PRUNE2: variants seen among roughly 807,000 people sequenced by gnomAD.
The protein encoded by PRUNE2 is prune homolog 2 with BCH domain, also known as protein prune homolog 2.
Under a neutral mutation model 252.0 loss-of-function variants are expected in PRUNE2, and 164 were observed. The ratio of observed to expected loss-of-function variants is 0.65; its 90% CI spans 0.57 to 0.74. PRUNE2 has a LOEUF of 0.74. Among genes scored for constraint, PRUNE2 ranks in the 30% least tolerant of loss-of-function variants. PRUNE2 has a pLI of 0.00. For synonymous variants in PRUNE2, 1,292 were observed against 1,350.2 expected, an observed-to-expected ratio of 0.96 and a Z score of 0.94; for missense variants, 3,495 against 3,711.0, an observed-to-expected ratio of 0.94 and a Z score of 1.51.
chr9:76,644,072 A>G lies in PRUNE2; in HGVS notation c.8728+667T>C, dbSNP rs143245916. On this transcript the variant is annotated intron_variant, in intron 12 of 18. Coordinates refer to ENST00000376718, the MANE Select transcript of PRUNE2 (RefSeq NM_015225.3). Reference sequence around the variant, plus strand: ...AATGTTAAATGTGTTGCTTCCACTCATCTGACTTTTTGTGACTCCCAAATT... The same window carrying G: ...AATGTTAAATGTGTTGCTTCCACTCGTCTGACTTTTTGTGACTCCCAAATT... 2.4e-3 allele frequency among the ~76,000 whole-genome samples: 373 copies of G among 152,250 alleles called. 1 individual carries two copies. The highest frequency in any genetic ancestry group is 0.017 in the South Asian group (81 of 4,826).
intron 6 of PRUNE2, among the ~76,000 whole-genome samples, chr9:76,775,346 G>A (rs946385727): frequency 6.6e-6 from 1 of 152,080 alleles, no homozygotes; most frequent in African/African-American, 2.4e-5. Flanking sequence ...TCCCAGCCTG[G>A]AGTGCAGTTG....
chr9:76,633,158 G>A (rs534008056), intron 15 of PRUNE2, among the ~76,000 whole-genome samples: 67 of 152,244 alleles, frequency 4.4e-4, no homozygotes, highest in African/African-American at 1.6e-3. Flanking sequence ...GGAGGCGGAG[G>A]CTGCAGAAAG....
intron 12 of PRUNE2, 78 bp from the exon 13 acceptor site, chr9:76,638,366 T>C (rs1010741246): frequency 1.0e-6 from 1 of 961,608 alleles, no homozygotes; most frequent in African/African-American, 1.6e-5. Context: ...TGGATAAATA[T>C]GAAGCCTTGG....
At chr9:76,850,750 G>A in intron 2 of PRUNE2, 85 bp from the exon 3 acceptor site, 1 of 1,037,872 alleles carries the variant, frequency 9.6e-7, no homozygotes, top group East Asian at 2.4e-5. Flanking sequence ...GGGGTAACTG[G>A]TAAAAGGAAT....
At chr9:76,770,624 A>C (rs2052987852) in intron 6 of PRUNE2, among the ~76,000 whole-genome samples, 1 of 152,196 alleles carries the variant, frequency 6.6e-6, no homozygotes, top group Non-Finnish European at 1.5e-5. Context: ...CCACAACAAA[A>C]TCCTGCAAAA....
intron 6 of PRUNE2, among the ~76,000 whole-genome samples, chr9:76,800,142 C>T (rs892336991): frequency 6.6e-6 from 1 of 152,066 alleles, no homozygotes; most frequent in African/African-American, 2.4e-5. Context: ...TGTTGGTGTG[C>T]TGCACCCATT....
At chr9:76,783,565 A>C (rs2054653450) in intron 6 of PRUNE2, 1 of 152,206 alleles carries the variant, frequency 6.6e-6, no homozygotes, top group African/African-American at 2.4e-5. Context: ...TAAGTATTAA[A>C]ATTCTGTGCC....
chr9:76,808,369 G>A (rs7855283), intron 6 of PRUNE2, among the ~76,000 whole-genome samples: 107,330 of 152,090 alleles, frequency 0.71, 38,275 homozygotes, highest in African/African-American at 0.82. Flanking sequence ...ATTGTATCAC[G>A]TTAGGATATT....
Position 76,706,895 on chromosome 9 carries a change from C to A in PRUNE2, c.5379G>T (p.Gly1793=). The A allele has an allele frequency of 6.3e-7, 1 of 1,599,326 alleles. No individual in the cohort carries two copies. The highest frequency in any genetic ancestry group is 8.5e-7 in the Non-Finnish European group (1 of 1,172,578). Residue 1793 remains glycine, a synonymous_variant, in exon 8 of 19, where the codon GGG becomes GGT. Coordinates refer to ENST00000376718, the MANE Select transcript of PRUNE2 (RefSeq NM_015225.3). ...EKEKRSSPET[G]TTGDVAWQIS... ...TTTGCCATGCAACATCTCCTGTTGT[C>A]CCTGTTTCTGGAGAAGATCTCTTCT...
intron 1 of PRUNE2, among the ~76,000 whole-genome samples, chr9:76,879,898 TATATA>T (rs1360207274): frequency 3.1e-4 from 29 of 92,830 alleles, no homozygotes; most frequent in African/African-American, 1.5e-3. Context: ...TATATATATA[TATATA>T]TTTTTTTTTT....
At chr9:76,729,019 T>C (rs1031583052) in intron 6 of PRUNE2, among the ~76,000 whole-genome samples, 2 of 152,190 alleles carry the variant, frequency 1.3e-5, no homozygotes, top group Non-Finnish European at 2.9e-5. Flanking sequence ...AGTTTGGAGA[T>C]TGTCTTTCTA....
chr9:76,822,833 C>T (rs747981603), intron 6 of PRUNE2, among the ~76,000 whole-genome samples: 1 of 151,832 alleles, frequency 6.6e-6, no homozygotes, highest in Non-Finnish European at 1.5e-5. Context: ...AAAAGAATGG[C>T]AACACACAAT....
intron 6 of PRUNE2, among the ~76,000 whole-genome samples, chr9:76,810,882 A>C (rs11145080): frequency 0.28 from 42,410 of 152,118 alleles, 6,075 homozygotes; most frequent in Middle Eastern, 0.39. Flanking sequence ...AAAGGGAACA[A>C]TTTTCCTCTA....
intron 6 of PRUNE2, among the ~76,000 whole-genome samples, chr9:76,803,221 G>A (rs143711923): frequency 1.5e-4 from 23 of 151,276 alleles, no homozygotes; most frequent in Non-Finnish European, 2.5e-4. Flanking sequence ...TTTGGGAAGG[G>A]TGGTGATACA....
At chr9:76,877,242 T>C (rs1395298955) in intron 1 of PRUNE2, among the ~76,000 whole-genome samples, 2 of 151,784 alleles carry the variant, frequency 1.3e-5, no homozygotes, top group Admixed American at 1.3e-4. Flanking sequence ...CGGTGCCTCA[T>C]GCCTGTAATC....
At chr9:76,628,806 G>T (rs1459529669) in intron 16 of PRUNE2, among the ~76,000 whole-genome samples, 1 of 150,936 alleles carries the variant, frequency 6.6e-6, no homozygotes, top group Non-Finnish European at 1.5e-5. Flanking sequence ...CATTTCCCCT[G>T]TTCCAGAACT....
chr9:76,644,250 A>G (rs1288465317), intron 12 of PRUNE2, among the ~76,000 whole-genome samples: 2 of 152,286 alleles, frequency 1.3e-5, no homozygotes, highest in Non-Finnish European at 2.9e-5. Context: ...ACTAGTTTAC[A>G]GAAAGGCAAA....
intron 9 of PRUNE2, among the ~76,000 whole-genome samples, chr9:76,656,299 T>C (rs1408035501): frequency 6.6e-6 from 1 of 152,250 alleles, no homozygotes; most frequent in Admixed American, 6.5e-5. Flanking sequence ...CCTGGACCTT[T>C]GTTCAGTAAG....
chr9:76,641,902 C>A (rs777418063), intron 12 of PRUNE2: 42 of 1,504,770 alleles, frequency 2.8e-5, no homozygotes, highest in Non-Finnish European at 3.6e-5. Context: ...CACACACACA[C>A]ACCAGCCAGC....
Sources: gnomAD v4.1 joint callset for allele counts (sites outside exome capture counted in the v4.1 genomes callset) on GRCh38, gnomAD v4.1.1 for gene constraint, MANE v1.5 for transcripts, NCBI Gene and HGNC (gene_info 2026-07-23, HGNC 2026-07-21) for gene names.